VPS13B: variants seen among roughly 807,000 people sequenced by gnomAD.
The protein encoded by VPS13B is intermembrane lipid transfer protein VPS13B.
Under a neutral mutation model 426.4 loss-of-function variants are expected in VPS13B, and 285 were observed. The ratio of observed to expected loss-of-function variants is 0.67; its 90% CI spans 0.61 to 0.74. The LOEUF is 0.74. Among genes scored for constraint, VPS13B ranks in the 30% least tolerant of loss-of-function variants. The pLI, the probability that VPS13B is intolerant of heterozygous loss-of-function variation, is 0.00. For missense variants in VPS13B, 4,537 were observed against 4,782.6 expected (o/e 0.95, Z 1.51); for synonymous variants, 1,676 against 1,676.4 (o/e 1.00, Z 0.01).
intron 58 of VPS13B, 139 bp from the exon 59 acceptor site, chr8:99,868,150 A>G: frequency 9.9e-7 from 1 of 1,008,318 alleles, no homozygotes; most frequent in Admixed American, 2.1e-5. Flanking sequence ...GATAACTGGT[A>G]AACAAATGGG....
intron 19 of VPS13B, among the ~76,000 whole-genome samples, chr8:99,368,293 G>A (rs1413406664): frequency 6.6e-6 from 1 of 152,130 alleles, no homozygotes; most frequent in East Asian, 1.9e-4. Context: ...CTTCACTGTA[G>A]TTCAGTTGCA....
rs1415740847 is a variant in VPS13B, at chr8:99,431,594, GA to G, written c.3142del (p.Ser1048ValfsTer6). ...ATGTTGAATATATCTGAAAGCTGTAGAAGTCCTGAAGAAAGAATGAAGGAAT... is the reference window on the plus strand; with the variant it reads ...ATGTTGAATATATCTGAAAGCTGTAGAGTCCTGAAGAAAGAATGAAGGAAT... ...KAMLNISESC[R>X]SPEERMKEFI... On this transcript the variant is annotated frameshift_variant, in exon 22 of 62. Coordinates refer to ENST00000357162, the MANE Select transcript of VPS13B (RefSeq NM_152564.5). LOFTEE classifies it high-confidence loss of function. The G allele has an allele frequency of 1.9e-6, 3 of 1,613,362 alleles. No individual in the cohort carries two copies. Among genetic ancestry groups the G allele is most frequent in the Non-Finnish European group, 2.5e-6 (3 of 1,179,756 alleles).
At chr8:99,457,423 C>G (rs1818539507) in intron 23 of VPS13B, among the ~76,000 whole-genome samples, 1 of 152,108 alleles carries the variant, frequency 6.6e-6, no homozygotes, top group Non-Finnish European at 1.5e-5. Flanking sequence ...CTTTTAATCT[C>G]TTTTATTTTT....
In VPS13B at chr8:99,228,721, T is replaced by C. The variant is rs546931697; in HGVS notation, c.2515+35664T>C. 3.3e-5 allele frequency among the ~76,000 whole-genome samples: 5 copies of C among 152,276 alleles called. No homozygotes were observed. The South Asian group carries it at 1.0e-3, about 32-fold the overall frequency. The stretch of plus-strand genomic sequence containing the variant: ...TTGTACCAGGTACATTATGAGGCAC[T>C]GGGGTTTTTAATGCGAAGAAGGTAC... On this transcript the variant is annotated intron_variant, in intron 17 of 61. Coordinates refer to ENST00000357162, the MANE Select transcript of VPS13B (RefSeq NM_152564.5).
At chr8:99,518,834 T>C (rs895678800) in intron 29 of VPS13B, among the ~76,000 whole-genome samples, 2 of 152,226 alleles carry the variant, frequency 1.3e-5, no homozygotes, top group Non-Finnish European at 1.5e-5. Context: ...TTGCATTCTT[T>C]GGGCACCACA....
At chr8:99,828,394 G>GCTTTTTTTTTTTTT (rs1563495224) in intron 51 of VPS13B, among the ~76,000 whole-genome samples, 12 of 17,424 alleles carry the variant, frequency 6.9e-4, no homozygotes, top group African/African-American at 1.2e-3. Context: ...TACAACCACC[G>GCTTTTTTTTTTTTT]TTTTTTTTTT....
rs79324124 is a variant in VPS13B at position 99,853,626 on chromosome 8, G to T, written c.10237G>T (p.Ala3413Ser). ...CCTCCCTGGGGAAGAGCCTGTGGCT[G>T]CGTTGTTTGAACTTTACTGTGTGGA... ...GPLPGEEPVA[A>S]LFELYCVEIC... Residue 3413 changes from alanine (A) to serine (S), a missense_variant, in exon 56 of 62, where the codon GCG becomes TCG. Transcript: ENST00000357162. 348 of 1,614,200 alleles carry T rather than the reference G, an allele frequency of 2.2e-4. 3 individuals carry two copies. In the East Asian group the frequency reaches 7.7e-3, roughly 36 times the overall value.
chr8:99,854,091 G>A lies in VPS13B; in HGVS notation c.10702G>A (p.Val3568Ile). Residue 3568 changes from valine (V) to isoleucine (I), a missense_variant, in exon 56 of 62, where the codon GTA (valine) becomes ATA (isoleucine). Val to Ile is a conservative substitution (Grantham distance 29). This residue lies in a region of VPS13B where 4,311 missense variants were observed against 4,474.3 expected (regional missense o/e 0.96). Coordinates refer to ENST00000357162, the MANE Select transcript of VPS13B (RefSeq NM_152564.5). The stretch of plus-strand genomic sequence containing the variant: ...GTTACGGAAACTGGTGATCCAGCCA[G>A]TAAATTTGCTCGTCAGCATCCACGC... ...VKLRKLVIQP[V>I]NLLVSIHASL... 1 of 1,613,138 alleles carries A rather than the reference G, an allele frequency of 6.2e-7. No homozygotes were observed. Among genetic ancestry groups the A allele is most frequent in the Non-Finnish European group, 8.5e-7 (1 of 1,179,262 alleles).
chr8:99,587,615 T>C (rs1228845979), intron 33 of VPS13B, among the ~76,000 whole-genome samples: 1 of 151,868 alleles, frequency 6.6e-6, no homozygotes, highest in East Asian at 1.9e-4. Context: ...GCTGCATAAA[T>C]GTCTTCTTTT....
chr8:99,242,565 T>C (rs970302117), intron 17 of VPS13B, among the ~76,000 whole-genome samples: 1 of 152,202 alleles, frequency 6.6e-6, no homozygotes, highest in Non-Finnish European at 1.5e-5. Flanking sequence ...TAGAAAATTT[T>C]AATGGTAATG....
At chr8:99,477,917 C>G (rs915860950) in intron 24 of VPS13B, among the ~76,000 whole-genome samples, 1 of 151,990 alleles carries the variant, frequency 6.6e-6, no homozygotes, top group Admixed American at 6.6e-5. Flanking sequence ...ACCCTGTTTC[C>G]TTTAATGTCT....
chr8:99,393,896 TA>T (rs1010790845), intron 21 of VPS13B, among the ~76,000 whole-genome samples: 5 of 152,142 alleles, frequency 3.3e-5, no homozygotes, highest in Non-Finnish European at 7.4e-5. Context: ...TTTTTTAGAA[TA>T]AAAATATATT....
At chr8:99,341,132 G>T in intron 19 of VPS13B, 1 of 273,600 alleles carries the variant, frequency 3.7e-6, no homozygotes, top group South Asian at 5.2e-5. Context: ...TTTCTGCTGG[G>T]AATTATTATA....
intron 3 of VPS13B, among the ~76,000 whole-genome samples, chr8:99,079,565 GA>G (rs1043574171): frequency 7.9e-5 from 12 of 152,112 alleles, no homozygotes; most frequent in African/African-American, 2.9e-4. Context: ...ATCCTACTAT[GA>G]ATTTTTTTTA....
intron 35 of VPS13B, among the ~76,000 whole-genome samples, chr8:99,685,964 C>G (rs931144302): frequency 2.0e-5 from 3 of 151,978 alleles, no homozygotes; most frequent in African/African-American, 7.3e-5. Flanking sequence ...TCTTCATGGT[C>G]TGGGCTTGTT....
intron 33 of VPS13B, among the ~76,000 whole-genome samples, chr8:99,634,970 T>C (rs1252466780): frequency 6.6e-6 from 1 of 151,942 alleles, no homozygotes; most frequent in Non-Finnish European, 1.5e-5. Flanking sequence ...TTAATACAAT[T>C]TTCTATTTAT....
At chr8:99,471,898 G>A (rs1429845181) in intron 24 of VPS13B, among the ~76,000 whole-genome samples, 1 of 152,030 alleles carries the variant, frequency 6.6e-6, no homozygotes, top group Non-Finnish European at 1.5e-5. Flanking sequence ...CAAGTAAAAG[G>A]CAAAGATCTA....
At chr8:99,854,568 C>A (rs1213461487) in intron 56 of VPS13B, among the ~76,000 whole-genome samples, 1 of 152,184 alleles carries the variant, frequency 6.6e-6, no homozygotes, top group African/African-American at 2.4e-5. Flanking sequence ...AACATTCAAG[C>A]AGTAGTAGCT....
intron 31 of VPS13B, among the ~76,000 whole-genome samples, chr8:99,573,303 A>T (rs905498978): frequency 2.6e-5 from 4 of 152,274 alleles, no homozygotes; most frequent in African/African-American, 9.6e-5. Flanking sequence ...CTTTAGTTTA[A>T]TTAGATCCCA....
Sources: gnomAD v4.1 joint callset for allele counts (sites outside exome capture counted in the v4.1 genomes callset) on GRCh38, gnomAD v4.1.1 for gene constraint, gnomAD v4.1.1 regional missense constraint, MANE v1.5 for transcripts, NCBI Gene and HGNC (gene_info 2026-07-23, HGNC 2026-07-21) for gene names.